SUMF1: variants seen among roughly 807,000 people sequenced by gnomAD.
SUMF1 encodes formylglycine-generating enzyme.
In SUMF1, 48 loss-of-function variants were observed where a neutral mutation model predicts 47.6. The ratio of observed to expected loss-of-function variants is 1.01; its 90% CI spans 0.80 to 1.28. The LOEUF (loss-of-function observed/expected upper bound fraction) is 1.28, where lower values mean the gene tolerates loss of function less well. Among genes scored for constraint, SUMF1 ranks in the 50% most tolerant of loss-of-function variants. The pLI is 0.00. For missense variants in SUMF1, 571 were observed against 485.4 expected, an observed-to-expected ratio of 1.18 and a Z score of -1.66; for synonymous variants, 230 against 192.1, an observed-to-expected ratio of 1.20 and a Z score of -1.63.
rs141372676 is a variant in SUMF1, at chr3:4,165,575, G to C, written c.1015-96830C>G. ...GTGGATTATCTTTCAATGAAAAGAA[G>C]GGTTGGACATAAGGTATTTCACTCC... On this transcript the variant is annotated intron_variant and NMD_transcript_variant, in intron 8 of 12. Coordinates refer to the SUMF1 transcript ENST00000448413. Among the ~76,000 whole-genome samples, 490 of 152,150 alleles carry C rather than the reference G, an allele frequency of 3.2e-3. 3 individuals carry two copies. Among genetic ancestry groups the C allele is most frequent in the African/African-American group, 0.011 (469 of 41,510 alleles).
At chr3:4,304,824 C>T (rs1054784767) in intron 8 of SUMF1, among the ~76,000 whole-genome samples, 1 of 152,102 alleles carries the variant, frequency 6.6e-6, no homozygotes, top group Admixed American at 6.6e-5. Context: ...TGGCCTGTGA[C>T]ACAGCCCTCA....
chr3:4,054,138 C>T (rs906273047), intron 9 of SUMF1, among the ~76,000 whole-genome samples: 2 of 151,802 alleles, frequency 1.3e-5, no homozygotes, highest in Non-Finnish European at 2.9e-5. Context: ...TTGAGCAATA[C>T]CATTTGTTGA....
At chr3:4,353,025 G>A (rs935204968) in intron 8 of SUMF1, among the ~76,000 whole-genome samples, 9 of 152,114 alleles carry the variant, frequency 5.9e-5, no homozygotes, top group African/African-American at 2.2e-4. Flanking sequence ...TTTGGTTTCA[G>A]GATCCCTTTA....
intron 1 of SUMF1, among the ~76,000 whole-genome samples, chr3:4,460,719 G>A (rs148650439): frequency 2.0e-5 from 3 of 151,650 alleles, no homozygotes; most frequent in East Asian, 1.9e-4. Flanking sequence ...GTGCAGAGGC[G>A]TGATCACAGC....
intron 8 of SUMF1, among the ~76,000 whole-genome samples, chr3:4,101,672 T>C (rs1485885369): frequency 6.6e-6 from 1 of 152,170 alleles, no homozygotes; most frequent in Non-Finnish European, 1.5e-5. Flanking sequence ...AACTGATAAC[T>C]ATTTGAAGTG....
In SUMF1 at chr3:4,271,894, G is replaced by A. The variant is rs549717380; in HGVS notation, c.1014+104436C>T. ...GTTCCTCGGAATTCTGCTTCTCTTA[G>A]AGCACGCAAATGAAGACTATTCCTA... On this transcript the variant is annotated intron_variant and NMD_transcript_variant, in intron 8 of 12. Coordinates refer to the SUMF1 transcript ENST00000448413. Among the ~76,000 whole-genome samples the A allele has an allele frequency of 1.4e-4, 21 of 152,246 alleles. No homozygotes were observed. The East Asian group carries it at 3.9e-3, about 28-fold the overall frequency.
At position 4,322,360 on chromosome 3, in the gene SUMF1, A is replaced by C. The variant is rs535289316; in HGVS notation, c.1014+53970T>G. Among the ~76,000 whole-genome samples, 13 of 152,186 alleles carry C rather than the reference A, an allele frequency of 8.5e-5. No individual in the cohort carries two copies. In the East Asian group the frequency reaches 2.5e-3, roughly 29 times the overall value. On this transcript the variant is annotated intron_variant and NMD_transcript_variant, in intron 8 of 12. Coordinates refer to the SUMF1 transcript ENST00000448413. ...ATAATATATATTGATATGTATAATA[A>C]TGTAATATAAATGTACCATAACTAA... is the stretch of plus-strand genomic sequence containing the variant.
chr3:4,347,246 C>G lies in SUMF1; in HGVS notation c.1014+29084G>C, dbSNP rs114840693. On this transcript the variant is annotated intron_variant and NMD_transcript_variant, in intron 8 of 12. Coordinates refer to the SUMF1 transcript ENST00000448413. ...ACACTACAAAAAAAGAAACTTTCAGCCTAACATCCCTCATGAACATCAATG... is the reference window on the plus strand; with the variant it reads ...ACACTACAAAAAAAGAAACTTTCAGGCTAACATCCCTCATGAACATCAATG... Among the ~76,000 whole-genome samples, 733 of 152,130 alleles carry G rather than the reference C, an allele frequency of 4.8e-3. 7 individuals are homozygous for G. The highest frequency in any genetic ancestry group is 0.017 in the African/African-American group (707 of 41,530).
At chr3:4,178,371 G>T (rs995560593) in intron 8 of SUMF1, among the ~76,000 whole-genome samples, 1 of 152,186 alleles carries the variant, frequency 6.6e-6, no homozygotes, top group Non-Finnish European at 1.5e-5. Flanking sequence ...TCCCTGGGAT[G>T]CAAGTCTGGT....
At chr3:4,128,445 T>A (rs1473291156) in intron 8 of SUMF1, among the ~76,000 whole-genome samples, 1 of 152,082 alleles carries the variant, frequency 6.6e-6, no homozygotes, top group Non-Finnish European at 1.5e-5. Flanking sequence ...CCCTAACCAA[T>A]CCATGCTGCC....
intron 8 of SUMF1, among the ~76,000 whole-genome samples, chr3:4,324,760 G>A (rs1320985740): frequency 6.6e-6 from 1 of 152,152 alleles, no homozygotes; most frequent in African/African-American, 2.4e-5. Flanking sequence ...ATACAGTATT[G>A]ATCGATTACC....
intron 8 of SUMF1, among the ~76,000 whole-genome samples, chr3:4,180,358 G>T (rs1299382176): frequency 6.6e-6 from 1 of 152,066 alleles, no homozygotes; most frequent in African/African-American, 2.4e-5. Flanking sequence ...GGCATACTAT[G>T]CAGCCATAAA....
chr3:4,421,595 T>C (rs1211127262), intron 3 of SUMF1, among the ~76,000 whole-genome samples: 1 of 152,122 alleles, frequency 6.6e-6, no homozygotes, highest in African/African-American at 2.4e-5. Context: ...TCCTCCCGCC[T>C]CACCATCCCA....
At chr3:4,261,980 G>A (rs1285533561) in intron 8 of SUMF1, among the ~76,000 whole-genome samples, 1 of 152,130 alleles carries the variant, frequency 6.6e-6, no homozygotes, top group African/African-American at 2.4e-5. Context: ...TTCTGAATGA[G>A]AATAAAGGGA....
chr3:4,191,676 G>T (rs549998040), intron 8 of SUMF1, among the ~76,000 whole-genome samples: 1 of 152,096 alleles, frequency 6.6e-6, no homozygotes, highest in Non-Finnish European at 1.5e-5. Context: ...AGATGTGTAA[G>T]ATGAGGACAA....
chr3:4,335,847 C>G (rs957454618), intron 8 of SUMF1, among the ~76,000 whole-genome samples: 16 of 150,396 alleles, frequency 1.1e-4, no homozygotes, highest in Middle Eastern at 3.4e-3. Context: ...GTAATCCCAG[C>G]TACTCAGGAG....
At chr3:4,421,500 G>C (rs184689756) in intron 3 of SUMF1, among the ~76,000 whole-genome samples, 1 of 152,078 alleles carries the variant, frequency 6.6e-6, no homozygotes, top group African/African-American at 2.4e-5. Flanking sequence ...TTCTTTTTGA[G>C]ACAGGGTCTC....
At chr3:4,152,952 C>T (rs1162518265) in intron 8 of SUMF1, among the ~76,000 whole-genome samples, 1 of 151,528 alleles carries the variant, frequency 6.6e-6, no homozygotes, top group Non-Finnish European at 1.5e-5. Flanking sequence ...GGTCAGCTTG[C>T]AGTCTCCACC....
At chr3:4,148,752 A>G (rs1248416565) in intron 8 of SUMF1, among the ~76,000 whole-genome samples, 1 of 152,138 alleles carries the variant, frequency 6.6e-6, no homozygotes, top group Non-Finnish European at 1.5e-5. Context: ...ACTAGAACAC[A>G]GTTTACTAAT....
Sources: allele counts gnomAD v4.1 joint callset (sites outside exome capture counted in the v4.1 genomes callset), GRCh38; gene constraint gnomAD v4.1.1; transcripts MANE v1.5; gene names NCBI Gene and HGNC (gene_info 2026-07-23, HGNC 2026-07-21).